The following DNAJC5B variants were observed in gnomAD, a reference collection of about 807,000 sequenced individuals.
The protein encoded by DNAJC5B is DnaJ heat shock protein family (Hsp40) member C5 beta, also known as dnaJ homolog subfamily C member 5B.
A neutral mutation model predicts 24.7 loss-of-function variants in DNAJC5B; 23 were observed. That is an observed-to-expected ratio of 0.93 (90% CI 0.67 to 1.32). The LOEUF is 1.32. Ranked by LOEUF, DNAJC5B falls within the 40% of genes most tolerant of loss-of-function variation. The pLI, the probability that DNAJC5B is intolerant of heterozygous loss-of-function variation, is 0.00. For synonymous variants in DNAJC5B, 101 were observed against 90.1 expected (o/e 1.12, Z -0.68); for missense variants, 238 against 240.8 (o/e 0.99, Z 0.08).
chr8:66,037,709 C>A (rs1444904264), intron 1 of DNAJC5B, among the ~76,000 whole-genome samples: 2 of 152,200 alleles, frequency 1.3e-5, no homozygotes, highest in African/African-American at 4.8e-5. Context: ...TTGTAAATAG[C>A]AAAGGAGCAC....
chr8:66,078,298 T>G (rs1245972583), intron 4 of DNAJC5B, among the ~76,000 whole-genome samples: 3 of 152,206 alleles, frequency 2.0e-5, no homozygotes, highest in Non-Finnish European at 4.4e-5. Flanking sequence ...TATCTTTTCC[T>G]TCTCCTTGTG....
intron 3 of DNAJC5B, among the ~76,000 whole-genome samples, chr8:66,066,403 C>T (rs1483713295): frequency 6.6e-6 from 1 of 152,150 alleles, no homozygotes; most frequent in Non-Finnish European, 1.5e-5. Context: ...GGAAAGAACA[C>T]AGTATATCAA....
intron 4 of DNAJC5B, among the ~76,000 whole-genome samples, chr8:66,079,642 T>C (rs992880357): frequency 2.0e-5 from 3 of 152,170 alleles, no homozygotes; most frequent in Non-Finnish European, 4.4e-5. Context: ...CAGAGCCAGA[T>C]CACCATAATA....
chr8:66,056,446 G>A (rs1806965134), intron 3 of DNAJC5B: 1 of 152,220 alleles, frequency 6.6e-6, no homozygotes, highest in Non-Finnish European at 1.5e-5. Flanking sequence ...CCCAGCCCAG[G>A]AATGCTTTTG....
At chr8:66,079,347 C>G (rs940814604) in intron 4 of DNAJC5B, among the ~76,000 whole-genome samples, 1 of 152,064 alleles carries the variant, frequency 6.6e-6, no homozygotes, top group Non-Finnish European at 1.5e-5. Flanking sequence ...ACAGTCTAGT[C>G]CAAACTGATC....
intron 2 of DNAJC5B, among the ~76,000 whole-genome samples, chr8:66,049,811 G>A (rs1806807573): frequency 6.6e-6 from 1 of 152,190 alleles, no homozygotes; most frequent in African/African-American, 2.4e-5. Flanking sequence ...AGAGCACGAT[G>A]CTCACAAGCA....
At position 66,076,823 on chromosome 8, in the gene DNAJC5B, G is replaced by C; in HGVS notation, c.283G>C (p.Gly95Arg). 1 of 1,614,148 alleles carries C rather than the reference G, an allele frequency of 6.2e-7. No individual in the cohort carries two copies. The highest frequency in any genetic ancestry group is 8.5e-7 in the Non-Finnish European group (1 of 1,180,018). ...GGGACTCTACGTGGCCGAGCAGTTT[G>C]GAGACGAAAACGTTAACACCTACTT... is the stretch of plus-strand genomic sequence containing the variant. ...SLGLYVAEQFGDENVNTYFML... is the reference protein window; with the variant it reads ...SLGLYVAEQFRDENVNTYFML... Residue 95 changes from glycine (G) to arginine (R), a missense_variant, in exon 4 of 6, where the codon GGA (glycine) becomes CGA (arginine). Coordinates refer to ENST00000276570, the MANE Select transcript of DNAJC5B (RefSeq NM_033105.6).
intron 3 of DNAJC5B, among the ~76,000 whole-genome samples, chr8:66,073,441 T>C (rs114696541): frequency 0.011 from 1,724 of 152,106 alleles, 27 homozygotes; most frequent in African/African-American, 0.038. Flanking sequence ...GTCAATGCAA[T>C]TGCAATAAAA....
rs551683145 is a variant in DNAJC5B at position 66,022,446 on chromosome 8, G to A, written c.-142+741G>A. 4.6e-5 allele frequency among the ~76,000 whole-genome samples: 7 copies of A among 152,262 alleles called. No individual in the cohort carries two copies. In the East Asian group the frequency reaches 7.7e-4, roughly 17 times the overall value. On this transcript the variant is annotated intron_variant, in intron 1 of 5. Transcript: ENST00000276570. The stretch of plus-strand genomic sequence containing the variant: ...TTGGGTCTTAGCACACTGCGACCCC[G>A]GAGTTGGAGCACAGGACAGCTCAGG...
At chr8:66,092,914 A>C (rs544364072) in intron 5 of DNAJC5B, among the ~76,000 whole-genome samples, 1 of 152,154 alleles carries the variant, frequency 6.6e-6, no homozygotes, top group Admixed American at 6.5e-5. Context: ...AGATCCTGTC[A>C]CCCAGGTAGT....
intron 1 of DNAJC5B, among the ~76,000 whole-genome samples, chr8:66,031,817 AT>A (rs990533228): frequency 6.6e-6 from 1 of 152,188 alleles, no homozygotes; most frequent in African/African-American, 2.4e-5. Context: ...CAGTCAACTG[AT>A]TCAAATGATT....
rs539465158 is a variant in DNAJC5B at position 66,052,939 on chromosome 8, G to A, written c.119+1273G>A. ...TTGTTTGCTTGTTTGTTTAGAGTTAGGGCCTCACTTCTGTCACCCAGGCTG... is the reference window on the plus strand; with the variant it reads ...TTGTTTGCTTGTTTGTTTAGAGTTAAGGCCTCACTTCTGTCACCCAGGCTG... On this transcript the variant is annotated intron_variant, in intron 3 of 5. Coordinates refer to ENST00000276570, the MANE Select transcript of DNAJC5B (RefSeq NM_033105.6). Among the ~76,000 whole-genome samples, 60 of 151,898 alleles carry A rather than the reference G, an allele frequency of 4.0e-4. 1 individual carries two copies. The highest frequency in any genetic ancestry group is 5.4e-4 in the Non-Finnish European group (37 of 67,958).
At position 66,021,718 on chromosome 8, in the gene DNAJC5B, C is replaced by G. The variant is rs1023754644; in HGVS notation, c.-142+13C>G. Reference sequence around the variant, plus strand: ...GAGAGATCTCAAGGTGAGTGTGTCTCCAAGCTTAAGAAGAATAGTATAAGC... The same window carrying G: ...GAGAGATCTCAAGGTGAGTGTGTCTGCAAGCTTAAGAAGAATAGTATAAGC... On this transcript the variant is annotated intron_variant, in intron 1 of 5. Coordinates refer to ENST00000276570, the MANE Select transcript of DNAJC5B (RefSeq NM_033105.6). 12 of 152,220 alleles carry G rather than the reference C, an allele frequency of 7.9e-5. No individual in the cohort carries two copies. Among genetic ancestry groups the G allele is most frequent in the African/African-American group, 2.7e-4 (11 of 41,424 alleles). The allele number at this position is 152,220 out of a possible 1,614,324, so 9.4% of individuals were successfully genotyped here. A position where few individuals can be genotyped will look rare whatever the true frequency, so the allele number is the denominator to read the frequency against.
At chr8:66,046,956 T>C (rs879339440) in intron 2 of DNAJC5B, among the ~76,000 whole-genome samples, 1 of 152,270 alleles carries the variant, frequency 6.6e-6, no homozygotes, top group Non-Finnish European at 1.5e-5. Context: ...TGTGTCAACA[T>C]GACCCATTCA....
chr8:66,091,022 A>G (rs1807836315), intron 5 of DNAJC5B, among the ~76,000 whole-genome samples: 2 of 152,330 alleles, frequency 1.3e-5, no homozygotes, highest in Non-Finnish European at 2.9e-5. Context: ...AAGCAGCTCA[A>G]AGTGAACCCA....
chr8:66,091,540 TAG>T (rs1189293241), intron 5 of DNAJC5B, among the ~76,000 whole-genome samples: 7 of 152,126 alleles, frequency 4.6e-5, no homozygotes, highest in African/African-American at 1.7e-4. Context: ...GCAAGGCAGG[TAG>T]AGTCATATTG....
chr8:66,068,691 A>C (rs75233997), intron 3 of DNAJC5B, among the ~76,000 whole-genome samples: 1 of 152,210 alleles, frequency 6.6e-6, no homozygotes, highest in Middle Eastern at 3.4e-3. Context: ...AAAAAACAAC[A>C]TGTCGATTTT....
At position 66,080,406 on chromosome 8, in the gene DNAJC5B, G is replaced by C; in HGVS notation, c.363G>C (p.Thr121=). The C allele has an allele frequency of 1.2e-6, 2 of 1,613,690 alleles. No homozygotes were observed. Among genetic ancestry groups the C allele is most frequent in the Non-Finnish European group, 1.7e-6 (2 of 1,179,898 alleles). ...KALFVIVGLL[T]GCYFCCCLCC... is the part of the protein sequence containing the mutation. ...TGTTTGTCATCGTTGGCCTCTTGAC[G>C]GGCTGCTACTTTTGCTGCTGCCTGT... Residue 121 remains threonine, a synonymous_variant, in exon 5 of 6, where the codon ACG becomes ACC. Coordinates refer to ENST00000276570, the MANE Select transcript of DNAJC5B (RefSeq NM_033105.6).
At chr8:66,065,759 C>T (rs559208447) in intron 3 of DNAJC5B, among the ~76,000 whole-genome samples, 1 of 152,100 alleles carries the variant, frequency 6.6e-6, no homozygotes. Context: ...GAGAGGGGCC[C>T]TCATAGCATA....
Sources: gnomAD v4.1 joint callset for allele counts (sites outside exome capture counted in the v4.1 genomes callset) on GRCh38, gnomAD v4.1.1 for gene constraint, MANE v1.5 for transcripts, NCBI Gene and HGNC (gene_info 2026-07-23, HGNC 2026-07-21) for gene names.